LIN7A: variants seen among roughly 807,000 people sequenced by gnomAD.
LIN7A encodes the protein protein lin-7 homolog A.
Under a neutral mutation model 29.8 loss-of-function variants are expected in LIN7A, and 25 were observed. The observed-to-expected ratio is 0.84, with a 90% CI of 0.61 to 1.17. The LOEUF is 1.17. LIN7A is among the 50% of genes most tolerant of loss of function. The pLI, the probability that LIN7A is intolerant of heterozygous loss-of-function variation, is 0.00. For synonymous variants in LIN7A, 118 were observed against 107.5 expected (o/e 1.10, Z -0.60); for missense variants, 239 against 287.0 (o/e 0.83, Z 1.21).
intron 4 of LIN7A, among the ~76,000 whole-genome samples, chr12:80,843,151 A>G (rs950401801): frequency 2.0e-5 from 3 of 152,212 alleles, no homozygotes; most frequent in Admixed American, 2.0e-4. Flanking sequence ...CTTAATTGGT[A>G]AGATGAGAGG....
Position 80,793,747 on chromosome 12 carries a change from T to C in LIN7A, c.*3980A>G, listed in dbSNP as rs1040832052. 5.3e-5 allele frequency: 8 copies of C among 152,172 alleles called. No homozygotes were observed. Among genetic ancestry groups the C allele is most frequent in the Admixed American group, 3.9e-4 (6 of 15,270 alleles). 9.4% of individuals were successfully genotyped at this position (152,172 alleles called of 1,614,324 possible). On this transcript the variant is annotated 3_prime_UTR_variant, in exon 6 of 6. Coordinates refer to ENST00000552864, the MANE Select transcript of LIN7A (RefSeq NM_004664.4). ...TTGAAAATAGGAAGAGATTTAGGGA[T>C]GGTGTCTCCAATTATTATGAATTTC... is the stretch of plus-strand genomic sequence containing the variant.
chr12:80,814,322 C>T (rs1049974115), intron 4 of LIN7A, among the ~76,000 whole-genome samples: 1 of 152,106 alleles, frequency 6.6e-6, no homozygotes, highest in Non-Finnish European at 1.5e-5. Flanking sequence ...TTTGTTAATG[C>T]ATATAATTTT....
chr12:80,912,460 A>G (rs901534989), intron 1 of LIN7A, among the ~76,000 whole-genome samples: 72 of 152,280 alleles, frequency 4.7e-4, no homozygotes, highest in African/African-American at 1.6e-3. Context: ...TCACACCTGT[A>G]TTCCCAACAA....
chr12:80,845,140 G>A (rs1873005065), intron 4 of LIN7A, among the ~76,000 whole-genome samples: 1 of 151,624 alleles, frequency 6.6e-6, no homozygotes, highest in Non-Finnish European at 1.5e-5. Flanking sequence ...GGGAGGCTGA[G>A]GCAGCAGAAT....
At chr12:80,851,094 A>G (rs1873309351) in intron 2 of LIN7A, among the ~76,000 whole-genome samples, 1 of 152,154 alleles carries the variant, frequency 6.6e-6, no homozygotes, top group South Asian at 2.1e-4. Context: ...CTTATATTAA[A>G]ACAGCATCAG....
chr12:80,826,463 T>C (rs1167752004), intron 4 of LIN7A, among the ~76,000 whole-genome samples: 7 of 152,290 alleles, frequency 4.6e-5, no homozygotes, highest in African/African-American at 7.2e-5. Flanking sequence ...TTATTTCTTA[T>C]GATTTCTTGC....
chr12:80,798,676 A>T (rs1254119372), intron 5 of LIN7A, among the ~76,000 whole-genome samples: 1 of 151,040 alleles, frequency 6.6e-6, no homozygotes, highest in African/African-American at 2.4e-5. Flanking sequence ...AGAGTTTCAC[A>T]TTTTTTTTTC....
chr12:80,807,762 G>T (rs1871113323), intron 5 of LIN7A, among the ~76,000 whole-genome samples: 1 of 152,102 alleles, frequency 6.6e-6, no homozygotes, highest in South Asian at 2.1e-4. Context: ...AGAGAAGAAG[G>T]ATGTGGACAA....
intron 4 of LIN7A, among the ~76,000 whole-genome samples, chr12:80,815,259 C>T (rs1162740585): frequency 6.6e-6 from 1 of 152,182 alleles, no homozygotes; most frequent in Non-Finnish European, 1.5e-5. Flanking sequence ...GCAGTTTTCT[C>T]TTCTTCTTTC....
intron 5 of LIN7A, among the ~76,000 whole-genome samples, chr12:80,802,056 G>A (rs1256144247): frequency 6.6e-6 from 1 of 151,820 alleles, no homozygotes; most frequent in Non-Finnish European, 1.5e-5. Flanking sequence ...CACCACACCT[G>A]GCTAATTTTT....
chr12:80,839,890 T>C (rs1430014048), intron 4 of LIN7A, among the ~76,000 whole-genome samples: 2 of 152,236 alleles, frequency 1.3e-5, no homozygotes, highest in African/African-American at 4.8e-5. Context: ...CAATTAGCAA[T>C]CTGTATACAC....
Position 80,893,915 on chromosome 12 carries a change from G to T in LIN7A, c.83-4546C>A, listed in dbSNP as rs146532130. ...ACACAGCAGGTGGTAAAAGCCAATG[G>T]AAGTCTGAAAACCAGAAGTGGGAGA... is the stretch of plus-strand genomic sequence containing the variant. On this transcript the variant is annotated intron_variant, in intron 1 of 5. Coordinates refer to ENST00000552864, the MANE Select transcript of LIN7A (RefSeq NM_004664.4). 1.8e-3 allele frequency among the ~76,000 whole-genome samples: 278 copies of T among 152,316 alleles called. 2 individuals are homozygous for T. The highest frequency in any genetic ancestry group is 6.5e-3 in the African/African-American group (269 of 41,568).
intron 5 of LIN7A, among the ~76,000 whole-genome samples, chr12:80,807,086 T>TG (rs200771961): frequency 5.7e-5 from 8 of 140,884 alleles, no homozygotes; most frequent in Admixed American, 1.4e-4. Flanking sequence ...TTTTTTTTTT[T>TG]TTTTTGACGG....
chr12:80,887,068 C>T (rs1436740517), intron 2 of LIN7A, among the ~76,000 whole-genome samples: 1 of 152,066 alleles, frequency 6.6e-6, no homozygotes, highest in African/African-American at 2.4e-5. Context: ...ACTAGTCCAC[C>T]TTATTATAAC....
chr12:80,842,143 T>C (rs1278627506), intron 4 of LIN7A: 1 of 1,282,102 alleles, frequency 7.8e-7, no homozygotes, highest in Admixed American at 2.3e-5. Context: ...GAGGAAAAAA[T>C]CAATTGTTCA....
intron 2 of LIN7A, among the ~76,000 whole-genome samples, chr12:80,859,430 A>G (rs1030481062): frequency 1.1e-4 from 17 of 152,224 alleles, no homozygotes; most frequent in Non-Finnish European, 2.2e-4. Flanking sequence ...ATGCAGGTCT[A>G]AAGCTCAGAG....
chr12:80,916,095 G>T (rs1262697480), intron 1 of LIN7A, among the ~76,000 whole-genome samples: 1 of 152,132 alleles, frequency 6.6e-6, no homozygotes, highest in East Asian at 1.9e-4. Flanking sequence ...TTGATCACTT[G>T]TCATTATCTT....
chr12:80,913,173 C>A (rs1464307214), intron 1 of LIN7A, among the ~76,000 whole-genome samples: 3 of 152,194 alleles, frequency 2.0e-5, no homozygotes, highest in Non-Finnish European at 4.4e-5. Context: ...CTTGAAAATG[C>A]ATCTACATAT....
chr12:80,815,096 T>C (rs1296860303), intron 4 of LIN7A, among the ~76,000 whole-genome samples: 2 of 123,892 alleles, frequency 1.6e-5, no homozygotes, highest in Non-Finnish European at 3.5e-5. Flanking sequence ...CAGAAGCATA[T>C]CTTGTCTTAA....
Sources: gnomAD v4.1 joint callset for allele counts (sites outside exome capture counted in the v4.1 genomes callset) on GRCh38, gnomAD v4.1.1 for gene constraint, MANE v1.5 for transcripts, NCBI Gene and HGNC (gene_info 2026-07-23, HGNC 2026-07-21) for gene names.